The following NT5DC3 variants were observed in gnomAD, a reference collection of about 807,000 sequenced individuals.
NT5DC3 encodes 5'-nucleotidase domain-containing protein 3.
NT5DC3 carries 42 observed loss-of-function variants against 67.8 expected under a neutral mutation model. The ratio of observed to expected loss-of-function variants is 0.62; its 90% CI spans 0.48 to 0.80. NT5DC3 has a LOEUF of 0.80. NT5DC3 is among the 30% of genes least tolerant of loss of function. The pLI is 0.00. For synonymous variants in NT5DC3, 237 were observed against 255.6 expected (o/e 0.93, Z 0.69); for missense variants, 570 against 696.4 (o/e 0.82, Z 2.04).
Position 103,793,489 on chromosome 12 carries a change from G to C in NT5DC3, c.838C>G (p.Gln280Glu). ...AGTTTGGCCAACACTGCGCGGGTCT[G>C]CTCAGCATAGCAGATGTACTTTTCT... ...DIEKYICYAE[Q>E]TRAVLAKLAD... is the part of the protein sequence containing the mutation. Residue 280 changes from glutamine (Q) to glutamate (E), a missense_variant, in exon 8 of 14, where the codon CAG (glutamine) becomes GAG (glutamate). This residue lies in a region of NT5DC3 where 466 missense variants were observed against 608.0 expected (regional missense o/e 0.77). Coordinates refer to ENST00000392876, the MANE Select transcript of NT5DC3 (RefSeq NM_001031701.3). The C allele has an allele frequency of 6.2e-7, 1 of 1,613,748 alleles. No individual in the cohort carries two copies. Among genetic ancestry groups the C allele is most frequent in the Non-Finnish European group, 8.5e-7 (1 of 1,179,724 alleles).
chr12:103,806,774 G>T (rs539219240), intron 3 of NT5DC3, 81 bp downstream of exon 3: 25 of 886,994 alleles, frequency 2.8e-5, no homozygotes, highest in African/African-American at 6.7e-5. Flanking sequence ...TAATTTGCCC[G>T]TTCAGTAAAG....
At chr12:103,753,086 T>C in the NT5DC3 span, 8 of 1,018,662 alleles carry the variant, frequency 7.9e-6, no homozygotes, top group South Asian at 1.5e-4. Flanking sequence ...CAACATAACT[T>C]GAAGGGAAAG....
downstream of NT5DC3, chr12:103,766,114 C>CCAGCCCATCCTGCCTCCCAACA (rs1566090098): frequency 2.3e-6 from 2 of 878,208 alleles, no homozygotes; most frequent in Non-Finnish European, 3.7e-6. Context: ...GGCCCTACCC[C>CCAGCCCATCCTGCCTCCCAACA]CAGCCCATCC....
At chr12:103,797,819 T>C (rs1346538206) in intron 5 of NT5DC3, among the ~76,000 whole-genome samples, 1 of 152,236 alleles carries the variant, frequency 6.6e-6, no homozygotes, top group Non-Finnish European at 1.5e-5. Context: ...ATGATGGGGT[T>C]ACATTCTGAT....
At chr12:103,833,551 T>C (rs553818787) in intron 1 of NT5DC3, among the ~76,000 whole-genome samples, 1 of 152,296 alleles carries the variant, frequency 6.6e-6, no homozygotes, top group South Asian at 2.1e-4. Flanking sequence ...ACATAATTTT[T>C]GACTGATTAG....
At position 103,841,053 on chromosome 12, in the gene NT5DC3, G is replaced by C. The variant is rs977896766; in HGVS notation, c.104C>G (p.Pro35Arg). Reference sequence around the variant, plus strand: ...CAAGGGCCGGGCGGGGCCCGCACACGGCCGCCCCCGAGCCGCGGTCCCGCA... The same window carrying C: ...CAAGGGCCGGGCGGGGCCCGCACACCGCCGCCCCCGAGCCGCGGTCCCGCA... ...GGCGTAARGR[P>R]CAGPARPLCT... Residue 35 changes from proline to arginine, a missense_variant, in exon 1 of 14, where the codon CCG (proline) becomes CGG (arginine). Pro to Arg is a moderately radical substitution (Grantham distance 103). Around this residue, in one of 2 missense-constraint regions of NT5DC3, gnomAD observed 104 missense variants for 88.4 expected, o/e 1.18. Transcript: ENST00000392876. 2.9e-5 allele frequency: 36 copies of C among 1,261,440 alleles called. 1 individual carries two copies. In the East Asian group the frequency reaches 1.1e-3, roughly 39 times the overall value. 78.1% of individuals were successfully genotyped at this position (1,261,440 alleles called of 1,614,324 possible). A position where few individuals can be genotyped will look rare whatever the true frequency, so the allele number is the denominator to read the frequency against.
At chr12:103,749,176 G>T in the NT5DC3 span, 2 of 1,581,214 alleles carry the variant, frequency 1.3e-6, no homozygotes, top group Non-Finnish European at 1.7e-6. Context: ...TCTTTCCCAG[G>T]GAAATTTGGG....
intron 1 of NT5DC3, among the ~76,000 whole-genome samples, chr12:103,828,040 T>G (rs113447571): frequency 1.4e-4 from 21 of 152,204 alleles, no homozygotes; most frequent in Non-Finnish European, 2.4e-4. Context: ...CCACACATGG[T>G]CAGGAACAAA....
downstream of NT5DC3, chr12:103,768,833 C>T (rs1306756778): frequency 6.6e-6 from 1 of 151,734 alleles, no homozygotes; most frequent in Non-Finnish European, 1.5e-5. Flanking sequence ...CCCGAAAACA[C>T]AACTCCACAT....
At chr12:103,815,697 C>T (rs1593423842) in intron 1 of NT5DC3, among the ~76,000 whole-genome samples, 3 of 152,272 alleles carry the variant, frequency 2.0e-5, no homozygotes, top group South Asian at 4.1e-4. Context: ...ACTGGGATTA[C>T]AGGCATGCAC....
downstream of NT5DC3, among the ~76,000 whole-genome samples, chr12:103,767,411 G>A (rs1180032870): frequency 2.0e-5 from 3 of 152,172 alleles, no homozygotes; most frequent in Non-Finnish European, 4.4e-5. Flanking sequence ...CCAGGGGAAT[G>A]AGGAGTGACT....
intron 1 of NT5DC3, among the ~76,000 whole-genome samples, chr12:103,819,206 G>A (rs1396302977): frequency 2.0e-5 from 3 of 152,186 alleles, no homozygotes; most frequent in African/African-American, 7.2e-5. Context: ...AAGCCTGGAT[G>A]TTTAAAGTGT....
At chr12:103,778,170 T>TAAAAA (rs71098000) in intron 13 of NT5DC3, 89 bp from the exon 14 acceptor site, 258 of 1,174,036 alleles carry the variant, frequency 2.2e-4, no homozygotes, top group Non-Finnish European at 2.4e-4. Flanking sequence ...CTTCTTTTTT[T>TAAAAA]AAAAAAAAAA....
downstream of NT5DC3, among the ~76,000 whole-genome samples, chr12:103,769,458 A>G (rs538538508): frequency 2.0e-5 from 3 of 152,360 alleles, no homozygotes; most frequent in South Asian, 6.2e-4. Context: ...CTCCGTCCCC[A>G]ACACACGTGC....
At chr12:103,787,580 A>G (rs1885847306) in intron 10 of NT5DC3, 53 bp from the exon 11 acceptor site, 6 of 1,004,206 alleles carry the variant, frequency 6.0e-6, no homozygotes, top group Non-Finnish European at 9.0e-6. Flanking sequence ...GATCTGTCTA[A>G]CCCACAGTAC....
the NT5DC3 span, chr12:103,763,475 C>G: frequency 6.2e-7 from 1 of 1,612,280 alleles, no homozygotes; most frequent in Non-Finnish European, 8.5e-7. Context: ...GGCTTTCATG[C>G]TTGTCTTTCC....
chr12:103,838,971 G>A (rs1383421539), intron 1 of NT5DC3, among the ~76,000 whole-genome samples: 1 of 152,210 alleles, frequency 6.6e-6, no homozygotes, highest in African/African-American at 2.4e-5. Context: ...CATGATGGGG[G>A]AGATGGGTGG....
rs1885387607 is a variant in NT5DC3, at chr12:103,777,680, T to C, written c.*149A>G. ...GGGCTGCTAGCTCCTGTCTTAACCA[T>C]TGGGAGAATTATTCTCCGTAAGGTA... On this transcript the variant is annotated 3_prime_UTR_variant, in exon 14 of 14. Coordinates refer to ENST00000392876, the MANE Select transcript of NT5DC3 (RefSeq NM_001031701.3). The C allele has an allele frequency of 2.2e-5, 21 of 935,366 alleles. No homozygotes were observed. The highest frequency in any genetic ancestry group is 9.9e-5 in the African/African-American group (6 of 60,834). The allele number at this position is 935,366 out of a possible 1,614,324, so 57.9% of individuals were successfully genotyped here. A position where few individuals can be genotyped will look rare whatever the true frequency, so the allele number is the denominator to read the frequency against.
intron 1 of NT5DC3, among the ~76,000 whole-genome samples, chr12:103,826,919 C>A (rs1887719965): frequency 6.6e-6 from 1 of 152,152 alleles, no homozygotes; most frequent in African/African-American, 2.4e-5. Context: ...TTTATGTTGA[C>A]AGGTAACAGA....
Sources: allele counts gnomAD v4.1 joint callset (sites outside exome capture counted in the v4.1 genomes callset), GRCh38; gene constraint gnomAD v4.1.1; regional missense constraint gnomAD v4.1.1; transcripts MANE v1.5; gene names NCBI Gene and HGNC (gene_info 2026-07-23, HGNC 2026-07-21).